The following RFX7 variants were observed in gnomAD, a reference collection of about 807,000 sequenced individuals.
RFX7 encodes regulatory factor X7.
RFX7 carries 26 observed loss-of-function variants against 111.8 expected under a neutral mutation model. That is an observed-to-expected ratio of 0.23 (90% CI 0.17 to 0.32). The LOEUF (loss-of-function observed/expected upper bound fraction) is 0.32. Among genes scored for constraint, RFX7 ranks in the 10% least tolerant of loss-of-function variants. RFX7 has a pLI of 1.00. For missense variants in RFX7, 1,573 were observed against 1,772.9 expected (o/e 0.89, Z 2.02); for synonymous variants, 624 against 624.4 (o/e 1.00, Z 0.01).
chr15:56,147,451 T>C (rs1469152066), intron 3 of RFX7, among the ~76,000 whole-genome samples: 1 of 152,230 alleles, frequency 6.6e-6, no homozygotes, highest in African/African-American at 2.4e-5. Context: ...GTACTGAGTT[T>C]CCTTTTGGGG....
chr15:56,097,443 T>TA (rs1206469088), intron 9 of RFX7, among the ~76,000 whole-genome samples: 3 of 151,948 alleles, frequency 2.0e-5, no homozygotes, highest in South Asian at 2.1e-4. Flanking sequence ...GTTTAAATTT[T>TA]AAAAAAAGAC....
In RFX7 at chr15:56,171,147, G is replaced by T. The variant is rs991085339; in HGVS notation, c.195+8123C>A. On this transcript the variant is annotated intron_variant, in intron 3 of 9. Coordinates refer to ENST00000559447, the MANE Select transcript of RFX7 (RefSeq NM_022841.7). ...AATACACAAAAATAGAGCAACCAAG[G>T]AGTCAGAACTGATAGGATCTGGTGA... is the stretch of plus-strand genomic sequence containing the variant. 4.6e-5 allele frequency among the ~76,000 whole-genome samples: 7 copies of T among 152,272 alleles called. 1 individual carries two copies. Among genetic ancestry groups the T allele is most frequent in the Admixed American group, 3.9e-4 (6 of 15,284 alleles).
intron 2 of RFX7, among the ~76,000 whole-genome samples, chr15:56,231,132 T>G (rs185207659): frequency 6.6e-6 from 1 of 152,178 alleles, no homozygotes; most frequent in Non-Finnish European, 1.5e-5. Flanking sequence ...TGCTGGTGAA[T>G]AGCAAGAAGG....
intron 5 of RFX7, among the ~76,000 whole-genome samples, chr15:56,123,238 A>G (rs1458056308): frequency 6.6e-6 from 1 of 152,084 alleles, no homozygotes; most frequent in African/African-American, 2.4e-5. Context: ...TACCACTGCT[A>G]ATGGTATTAT....
chr15:56,107,088 G>A (rs2041839065), intron 5 of RFX7, among the ~76,000 whole-genome samples: 1 of 151,958 alleles, frequency 6.6e-6, no homozygotes, highest in African/African-American at 2.4e-5. Flanking sequence ...ACAAGGTCAG[G>A]AGATCGAGAC....
At chr15:56,150,803 G>A (rs1228592451) in intron 3 of RFX7, among the ~76,000 whole-genome samples, 3 of 152,142 alleles carry the variant, frequency 2.0e-5, no homozygotes, top group African/African-American at 7.2e-5. Flanking sequence ...CCAATGCAAG[G>A]AAGCTAATAA....
chr15:56,150,235 T>C (rs955178053), intron 3 of RFX7, among the ~76,000 whole-genome samples: 1 of 152,108 alleles, frequency 6.6e-6, no homozygotes, highest in Non-Finnish European at 1.5e-5. Flanking sequence ...CAGTGGCTTA[T>C]AGCAGACTTA....
chr15:56,140,474 C>T (rs1461956362), intron 5 of RFX7, among the ~76,000 whole-genome samples: 1 of 152,220 alleles, frequency 6.6e-6, no homozygotes, highest in Non-Finnish European at 1.5e-5. Flanking sequence ...CCTGCTTCGG[C>T]TGGCGCACGG....
At chr15:56,150,339 C>G (rs1288064592) in intron 3 of RFX7, among the ~76,000 whole-genome samples, 1 of 152,184 alleles carries the variant, frequency 6.6e-6, no homozygotes, top group Non-Finnish European at 1.5e-5. Context: ...TCAAGTGGGT[C>G]CCTGACCCCT....
chr15:56,241,076 G>T lies in RFX7; in HGVS notation c.161+2049C>A, dbSNP rs181470468. Reference sequence around the variant, plus strand: ...ATATAAAAATCATTTTTGCAAATAGGATTTCTAAAGTTGATCATTAGATGC... The same window carrying T: ...ATATAAAAATCATTTTTGCAAATAGTATTTCTAAAGTTGATCATTAGATGC... On this transcript the variant is annotated intron_variant, in intron 2 of 9. Coordinates refer to ENST00000559447, the MANE Select transcript of RFX7 (RefSeq NM_022841.7). 2.9e-3 allele frequency among the ~76,000 whole-genome samples: 438 copies of T among 152,010 alleles called. 2 individuals are homozygous for T. Among genetic ancestry groups the T allele is most frequent in the Middle Eastern group, 6.8e-3 (2 of 294 alleles).
intron 5 of RFX7, among the ~76,000 whole-genome samples, chr15:56,124,429 A>G (rs1205347698): frequency 6.6e-6 from 1 of 151,974 alleles, no homozygotes; most frequent in Non-Finnish European, 1.5e-5. Context: ...CTCCGAAAAA[A>G]AAAAAAAAAT....
Position 56,098,228 on chromosome 15 carries a change from T to C in RFX7, c.960A>G (p.Leu320=), listed in dbSNP as rs2041708029. 2 of 1,614,000 alleles carry C rather than the reference T, an allele frequency of 1.2e-6. No individual in the cohort carries two copies. Among genetic ancestry groups the C allele is most frequent in the South Asian group, 1.1e-5 (1 of 91,090 alleles). Residue 320 remains leucine (L), a synonymous_variant, in exon 9 of 10, where the codon CTA becomes CTG. Coordinates refer to ENST00000559447, the MANE Select transcript of RFX7 (RefSeq NM_022841.7). ...KIQKKQQEQK[L]QSPLPGESAA... ...CAGATTCTCCTGGCAAAGGGGATTG[T>C]AGTTTCTGTTCTTGCTGCTTCTTCT...
chr15:56,194,185 C>T (rs1267139885), intron 2 of RFX7, among the ~76,000 whole-genome samples: 3 of 152,150 alleles, frequency 2.0e-5, no homozygotes, highest in African/African-American at 7.2e-5. Context: ...TCCCTTCCAA[C>T]ACCAAGTTTA....
intron 2 of RFX7, among the ~76,000 whole-genome samples, chr15:56,233,644 A>G (rs2043592167): frequency 6.6e-6 from 1 of 152,224 alleles, no homozygotes; most frequent in South Asian, 2.1e-4. Flanking sequence ...AATTAGAGTA[A>G]CTGAAATGAG....
At chr15:56,211,835 A>G (rs1188817212) in intron 2 of RFX7, among the ~76,000 whole-genome samples, 2 of 152,116 alleles carry the variant, frequency 1.3e-5, no homozygotes, top group African/African-American at 4.8e-5. Flanking sequence ...GATACTAAAC[A>G]TACCTATTAA....
intron 5 of RFX7, among the ~76,000 whole-genome samples, chr15:56,106,645 A>T (rs2041834017): frequency 6.6e-6 from 1 of 152,178 alleles, no homozygotes; most frequent in South Asian, 2.1e-4. Context: ...CTTTATTGTG[A>T]GGTGGCCTTA....
intron 2 of RFX7, among the ~76,000 whole-genome samples, chr15:56,202,344 T>G (rs2043201092): frequency 6.6e-6 from 1 of 152,236 alleles, no homozygotes; most frequent in Admixed American, 6.5e-5. Context: ...TTGAGGTACT[T>G]AAGATCTTTT....
chr15:56,136,633 G>A (rs1245880718), intron 5 of RFX7, among the ~76,000 whole-genome samples: 2 of 151,964 alleles, frequency 1.3e-5, no homozygotes, highest in Non-Finnish European at 2.9e-5. Context: ...GACTGCCCTG[G>A]CCAGCACTTC....
intron 3 of RFX7, among the ~76,000 whole-genome samples, chr15:56,167,779 A>G (rs1264567336): frequency 6.6e-6 from 1 of 152,220 alleles, no homozygotes; most frequent in African/African-American, 2.4e-5. Flanking sequence ...AGTAGATTTC[A>G]TATTGTCTTC....
Sources: gnomAD v4.1 joint callset for allele counts (sites outside exome capture counted in the v4.1 genomes callset) on GRCh38, gnomAD v4.1.1 for gene constraint, MANE v1.5 for transcripts, NCBI Gene and HGNC (gene_info 2026-07-23, HGNC 2026-07-21) for gene names.